Variants in ADGRL3 observed in about 807,000 individuals in gnomAD.
ADGRL3 encodes the protein calcium-independent alpha-latrotoxin receptor 3.
Under a neutral mutation model 153.5 loss-of-function variants are expected in ADGRL3, and 62 were observed. The ratio of observed to expected loss-of-function variants is 0.40; its 90% CI spans 0.33 to 0.50. The LOEUF (loss-of-function observed/expected upper bound fraction) is 0.50. ADGRL3 is among the 20% of genes least tolerant of loss of function. The pLI, the probability that ADGRL3 is intolerant of heterozygous loss-of-function variation, is 0.47. For missense variants in ADGRL3, 1,641 were observed against 1,859.4 expected (o/e 0.88, Z 2.16); for synonymous variants, 710 against 672.5 (o/e 1.06, Z -0.86).
intron 9 of ADGRL3, among the ~76,000 whole-genome samples, chr4:61,853,831 A>C (rs931065183): frequency 6.6e-6 from 1 of 152,360 alleles, no homozygotes; most frequent in South Asian, 2.1e-4. Context: ...GTAAAGCTCA[A>C]CAAGGGAGAG....
intron 2 of ADGRL3, among the ~76,000 whole-genome samples, chr4:61,429,542 G>A (rs994932242): frequency 1.3e-5 from 2 of 152,086 alleles, no homozygotes; most frequent in Admixed American, 6.5e-5. Flanking sequence ...CCCCACTTCT[G>A]TAGCTTAGAC....
chr4:61,560,992 T>C (rs2098792868), intron 4 of ADGRL3, among the ~76,000 whole-genome samples: 1 of 152,194 alleles, frequency 6.6e-6, no homozygotes, highest in Non-Finnish European at 1.5e-5. Flanking sequence ...TAGTGTCATA[T>C]AAATAAATTA....
intron 4 of ADGRL3, among the ~76,000 whole-genome samples, chr4:61,573,217 C>T (rs2098846243): frequency 6.6e-6 from 1 of 151,658 alleles, no homozygotes; most frequent in African/African-American, 2.4e-5. Flanking sequence ...TTATATTGGC[C>T]CTAATATTAT....
At chr4:61,546,976 G>T (rs780549062) in intron 4 of ADGRL3, among the ~76,000 whole-genome samples, 1 of 152,090 alleles carries the variant, frequency 6.6e-6, no homozygotes, top group Non-Finnish European at 1.5e-5. Flanking sequence ...TCATTTATCA[G>T]TTACAACCAT....
chr4:61,226,928 T>C (rs1748234711), intron 1 of ADGRL3, among the ~76,000 whole-genome samples: 1 of 152,230 alleles, frequency 6.6e-6, no homozygotes, highest in Non-Finnish European at 1.5e-5. Context: ...TCATGAAGAA[T>C]AAATGGGAAA....
At chr4:61,870,618 T>TA (rs35837656) in intron 9 of ADGRL3, among the ~76,000 whole-genome samples, 113,039 of 152,092 alleles carry the variant, frequency 0.74, 42,253 homozygotes, top group East Asian at 0.79. Context: ...AAAGGACAAA[T>TA]ACCAGATTAA....
intron 1 of ADGRL3, among the ~76,000 whole-genome samples, chr4:61,282,445 A>G (rs2093757471): frequency 6.6e-6 from 1 of 152,038 alleles, no homozygotes; most frequent in Non-Finnish European, 1.5e-5. Context: ...AACTATTTTA[A>G]TATTCATATA....
At chr4:61,426,347 C>A (rs1378671322) in intron 2 of ADGRL3, among the ~76,000 whole-genome samples, 1 of 152,208 alleles carries the variant, frequency 6.6e-6, no homozygotes, top group Non-Finnish European at 1.5e-5. Context: ...CACCTGATAA[C>A]AAATCATATG....
chr4:62,023,433 G>T (rs915541193), intron 21 of ADGRL3, among the ~76,000 whole-genome samples: 9 of 152,146 alleles, frequency 5.9e-5, no homozygotes, highest in Admixed American at 5.9e-4. Context: ...TGAGAAAGCA[G>T]CAACAAGGTT....
chr4:61,381,727 C>T (rs1454251977), intron 1 of ADGRL3, among the ~76,000 whole-genome samples: 2 of 151,904 alleles, frequency 1.3e-5, no homozygotes, highest in East Asian at 1.9e-4. Flanking sequence ...AGATGAGATA[C>T]GCCAGTTCTT....
chr4:61,374,521 G>A (rs928890146), intron 1 of ADGRL3, among the ~76,000 whole-genome samples: 1 of 152,040 alleles, frequency 6.6e-6, no homozygotes, highest in African/African-American at 2.4e-5. Flanking sequence ...TGTGGAACAT[G>A]AAGCACATTT....
At chr4:61,303,660 C>T (rs2094662599) in intron 1 of ADGRL3, among the ~76,000 whole-genome samples, 2 of 152,086 alleles carry the variant, frequency 1.3e-5, no homozygotes, top group African/African-American at 4.8e-5. Context: ...TTTCAGGTGG[C>T]ATCATTAAGT....
intron 26 of ADGRL3, 75 bp downstream of exon 26, chr4:62,068,258 T>C (rs1577757895): frequency 7.4e-7 from 1 of 1,344,530 alleles, no homozygotes; most frequent in East Asian, 2.4e-5. Flanking sequence ...CACATATAGA[T>C]GATGTAGTTA....
In ADGRL3 at chr4:62,071,623, C is replaced by T; in HGVS notation, c.*715C>T. 2 of 350,282 alleles carry T rather than the reference C, an allele frequency of 5.7e-6. No homozygotes were observed. The highest frequency in any genetic ancestry group is 2.2e-5 in the African/African-American group (1 of 45,418). 21.7% of individuals were successfully genotyped at this position (350,282 alleles called of 1,614,324 possible). On this transcript the variant is annotated 3_prime_UTR_variant, in exon 27 of 27. Coordinates refer to ENST00000683033, the MANE Select transcript of ADGRL3 (RefSeq NM_001387552.1). ...TTTCTGTTCCTCCAGAATTTGAGTC[C>T]TGTTAATGTAGTAGAAAAAAAAAAA...
intron 2 of ADGRL3, among the ~76,000 whole-genome samples, chr4:61,389,561 G>A (rs2096778899): frequency 6.6e-6 from 1 of 152,006 alleles, no homozygotes; most frequent in Non-Finnish European, 1.5e-5. Flanking sequence ...TTAAACTGAA[G>A]GTCATTAATT....
chr4:61,750,495 A>G (rs1226692353), intron 8 of ADGRL3, among the ~76,000 whole-genome samples: 1 of 152,218 alleles, frequency 6.6e-6, no homozygotes, highest in Non-Finnish European at 1.5e-5. Context: ...ATGGACATAT[A>G]TTAGAACTGA....
At chr4:61,622,612 G>A (rs2092592745) in intron 5 of ADGRL3, among the ~76,000 whole-genome samples, 1 of 152,064 alleles carries the variant, frequency 6.6e-6, no homozygotes, top group Non-Finnish European at 1.5e-5. Context: ...AAAAAGAACA[G>A]TTAACATTTG....
At chr4:61,744,184 T>G (rs953181993) in intron 8 of ADGRL3, among the ~76,000 whole-genome samples, 2 of 152,124 alleles carry the variant, frequency 1.3e-5, no homozygotes, top group Non-Finnish European at 2.9e-5. Flanking sequence ...TTGCCCAGGC[T>G]AGCTTAGGTA....
Position 61,524,158 on chromosome 4 carries a change from T to C in ADGRL3, c.259+6640T>C, listed in dbSNP as rs1211937027. ...TCCCCTTACCTAAAACAATGTGTGGTATAATAAAGATCTGAAGTGTATCCC... is the reference window on the plus strand; with the variant it reads ...TCCCCTTACCTAAAACAATGTGTGGCATAATAAAGATCTGAAGTGTATCCC... On this transcript the variant is annotated intron_variant, in intron 4 of 26. Transcript: ENST00000683033. Among the ~76,000 whole-genome samples the C allele has an allele frequency of 3.3e-5, 5 of 152,160 alleles. No individual in the cohort carries two copies. In the East Asian group the frequency reaches 9.7e-4, roughly 29 times the overall value.
Sources: gnomAD v4.1 joint callset for allele counts (sites outside exome capture counted in the v4.1 genomes callset) on GRCh38, gnomAD v4.1.1 for gene constraint, MANE v1.5 for transcripts, NCBI Gene and HGNC (gene_info 2026-07-23, HGNC 2026-07-21) for gene names.